TBCD: variants seen among roughly 807,000 people sequenced by gnomAD.
TBCD encodes tubulin folding cofactor D.
Under a neutral mutation model 169.3 loss-of-function variants are expected in TBCD, and 105 were observed. The ratio of observed to expected loss-of-function variants is 0.62; its 90% CI spans 0.53 to 0.73. The LOEUF is 0.73. Ranked by LOEUF, TBCD falls within the 30% of genes least tolerant of loss-of-function variation. The probability of loss-of-function intolerance (pLI) is 0.00; values close to 1 mark genes in which losing one functional copy is unlikely to be tolerated. For missense variants in TBCD, 1,444 were observed against 1,600.1 expected (o/e 0.90, Z 1.66); for synonymous variants, 700 against 643.9 (o/e 1.09, Z -1.32).
At chr17:82,802,907 C>G (rs1452123595) in intron 9 of TBCD, among the ~76,000 whole-genome samples, 1 of 152,250 alleles carries the variant, frequency 6.6e-6, no homozygotes, top group Non-Finnish European at 1.5e-5. Context: ...GAAAATAATC[C>G]AGTATCCTAG....
At chr17:82,836,464 C>T (rs2053985810) in intron 13 of TBCD, among the ~76,000 whole-genome samples, 1 of 152,206 alleles carries the variant, frequency 6.6e-6, no homozygotes, top group South Asian at 2.1e-4. Flanking sequence ...CGAAACGCCG[C>T]CTCTAGCACC....
intron 15 of TBCD, among the ~76,000 whole-genome samples, chr17:82,887,166 T>TGTGC (rs1555632326): frequency 7.3e-5 from 8 of 109,148 alleles, no homozygotes; most frequent in Middle Eastern, 5.2e-3. Flanking sequence ...TGTGTGTGTG[T>TGTGC]GTGCGCGCGC....
In TBCD at chr17:82,889,064, G is replaced by A. The variant is rs1439080594; in HGVS notation, c.1534-604G>A. Among the ~76,000 whole-genome samples the A allele has an allele frequency of 6.6e-6, 1 of 152,210 alleles. No individual in the cohort carries two copies. The highest frequency in any genetic ancestry group is 1.5e-5 in the Non-Finnish European group (1 of 68,030). On this transcript the variant is annotated intron_variant, in intron 15 of 38. Transcript: ENST00000355528. The surrounding 1 kb of genome is among the most constrained non-coding windows in gnomAD (Gnocchi z 5.3). Reference sequence around the variant, plus strand: ...GGAGGTGTGGTTGTCACCTTGCCCAGGTAACCTGCTCTGCCTGGTCGGTGC... The same window carrying A: ...GGAGGTGTGGTTGTCACCTTGCCCAAGTAACCTGCTCTGCCTGGTCGGTGC...
intron 24 of TBCD, 111 bp from the exon 25 acceptor site, chr17:82,921,390 A>G: frequency 1.1e-6 from 1 of 890,502 alleles, no homozygotes; most frequent in Non-Finnish European, 1.9e-6. Flanking sequence ...GATTCCTCTC[A>G]AAGGTTACCA....
intron 6 of TBCD, among the ~76,000 whole-genome samples, chr17:82,778,185 T>C (rs894099585): frequency 6.6e-6 from 1 of 152,238 alleles, no homozygotes; most frequent in African/African-American, 2.4e-5. Flanking sequence ...CTAAGATCTG[T>C]ATCTGGTATA....
chr17:82,792,150 A>T (rs953002251), intron 7 of TBCD, among the ~76,000 whole-genome samples: 1 of 152,176 alleles, frequency 6.6e-6, no homozygotes, highest in Non-Finnish European at 1.5e-5. Flanking sequence ...TCTACTAAAA[A>T]TACAAAAATT....
chr17:82,837,056 T>C (rs1454251516), intron 13 of TBCD, among the ~76,000 whole-genome samples: 1 of 152,184 alleles, frequency 6.6e-6, no homozygotes, highest in African/African-American at 2.4e-5. Context: ...ATTTGCTAAT[T>C]AAAACAGGGA....
intron 23 of TBCD, among the ~76,000 whole-genome samples, chr17:82,918,941 C>A (rs781605843): frequency 4.6e-5 from 7 of 152,100 alleles, no homozygotes; most frequent in African/African-American, 1.7e-4. Flanking sequence ...CAGGTGCCCA[C>A]GTGGAAGAAG....
At chr17:82,881,182 C>G (rs1222594255) in intron 14 of TBCD, among the ~76,000 whole-genome samples, 1 of 152,220 alleles carries the variant, frequency 6.6e-6, no homozygotes, top group Non-Finnish European at 1.5e-5. Flanking sequence ...GCTGGGGTCT[C>G]TCTCGGCCCG....
chr17:82,783,940 C>T (rs535914446), intron 7 of TBCD, among the ~76,000 whole-genome samples: 5 of 152,230 alleles, frequency 3.3e-5, no homozygotes, highest in Admixed American at 6.5e-5. Flanking sequence ...GCCTGGTCAA[C>T]GTGGTGAAAC....
intron 6 of TBCD, among the ~76,000 whole-genome samples, chr17:82,774,665 C>A (rs1413304240): frequency 6.6e-6 from 1 of 152,064 alleles, no homozygotes; most frequent in Admixed American, 6.5e-5. Flanking sequence ...GGAGCGGCGG[C>A]CGGGCGGGGG....
At chr17:82,913,739 A>T (rs927167324) in intron 23 of TBCD, 1 of 152,418 alleles carries the variant, frequency 6.6e-6, no homozygotes, top group Non-Finnish European at 1.5e-5. Flanking sequence ...GGGCAGCCAC[A>T]TTGATGTCCC....
chr17:82,894,426 T>C lies in TBCD; in HGVS notation c.1649+794T>C, dbSNP rs150934515. Among the ~76,000 whole-genome samples, 123 of 152,336 alleles carry C rather than the reference T, an allele frequency of 8.1e-4. 1 individual carries two copies. The highest frequency in any genetic ancestry group is 2.9e-3 in the African/African-American group (122 of 41,582). The stretch of plus-strand genomic sequence containing the variant: ...TTGCCTTAAATTAGGACCAGAAGCA[T>C]GCCCGATGCATTTTTAACATTAACC... On this transcript the variant is annotated intron_variant, in intron 17 of 38. Transcript: ENST00000355528.
chr17:82,923,790 G>T lies in TBCD; in HGVS notation c.2260+57G>T, dbSNP rs2147195318. ...AGGGGCTTCCAGCAGGAAGCTGCTG[G>T]GGAGTGTCTGGGCACGGAGGAGGCC... is the stretch of plus-strand genomic sequence containing the variant. On this transcript the variant is annotated intron_variant, in intron 26 of 38. Coordinates refer to ENST00000355528, the MANE Select transcript of TBCD (RefSeq NM_005993.5). The surrounding 1 kb of genome is among the most constrained non-coding windows in gnomAD (Gnocchi z 4.6). The T allele has an allele frequency of 6.9e-7, 1 of 1,442,784 alleles. No homozygotes were observed. The highest frequency in any genetic ancestry group is 9.5e-7 in the Non-Finnish European group (1 of 1,057,496). 89.4% of individuals were successfully genotyped at this position (1,442,784 alleles called of 1,614,324 possible).
chr17:82,807,526 C>T (rs1428116168), intron 10 of TBCD, 82 bp from the exon 11 acceptor site: 4 of 1,020,064 alleles, frequency 3.9e-6, no homozygotes, highest in Non-Finnish European at 5.3e-6. Context: ...CACTGAGTAG[C>T]GTACAGGATG....
At chr17:82,814,427 A>G (rs1292799733) in intron 12 of TBCD, among the ~76,000 whole-genome samples, 4 of 151,862 alleles carry the variant, frequency 2.6e-5, no homozygotes, top group Non-Finnish European at 4.4e-5. Context: ...ACTTGTCCTC[A>G]CTCTCGGGAG....
rs900943165 is a variant in TBCD at position 82,874,246 on chromosome 17, AAGGACTGT to A, written c.1475+3872_1475+3879del. On this transcript the variant is annotated intron_variant, in intron 14 of 38. Coordinates refer to ENST00000355528, the MANE Select transcript of TBCD (RefSeq NM_005993.5). The surrounding 1 kb of genome is among the most constrained non-coding windows in gnomAD (Gnocchi z 5.0). Reference sequence around the variant, plus strand: ...GGGACTCCTGAGTTTCTCAGGCCTGAAGGACTGTAGGACGCACTGTGGGCTGCAGGCTT... The same window carrying A: ...GGGACTCCTGAGTTTCTCAGGCCTGAAGGACGCACTGTGGGCTGCAGGCTT... Among the ~76,000 whole-genome samples the A allele has an allele frequency of 2.0e-5, 3 of 152,088 alleles. No homozygotes were observed. Among genetic ancestry groups the A allele is most frequent in the Admixed American group, 6.5e-5 (1 of 15,280 alleles).
chr17:82,781,536 C>T (rs1388237894), intron 6 of TBCD, 53 bp from the exon 7 acceptor site: 6 of 1,600,796 alleles, frequency 3.7e-6, no homozygotes, highest in Admixed American at 1.7e-5. Context: ...GCTGGTGAGG[C>T]GTGGGCGAGG....
At chr17:82,773,606 T>A (rs1172520580) in intron 6 of TBCD, among the ~76,000 whole-genome samples, 1 of 152,198 alleles carries the variant, frequency 6.6e-6, no homozygotes. Context: ...GCACCAACTC[T>A]GTCCATGGCT....
Sources: gnomAD v4.1 joint callset for allele counts (sites outside exome capture counted in the v4.1 genomes callset) on GRCh38, gnomAD v4.1.1 for gene constraint, Gnocchi (gnomAD v3.1) non-coding constraint, MANE v1.5 for transcripts, NCBI Gene and HGNC (gene_info 2026-07-23, HGNC 2026-07-21) for gene names.